Variants in WDR43 observed in about 807,000 individuals in gnomAD.
The protein encoded by WDR43 is WD repeat domain 43.
WDR43 carries 13 observed loss-of-function variants against 91.4 expected under a neutral mutation model. That is an observed-to-expected ratio of 0.14 (90% CI 0.09 to 0.23). WDR43 has a LOEUF of 0.23. Ranked by LOEUF, WDR43 falls within the 10% of genes least tolerant of loss-of-function variation. WDR43 has a pLI of 1.00. For synonymous variants in WDR43, 331 were observed against 287.9 expected (o/e 1.15, Z -1.51); for missense variants, 780 against 809.4 (o/e 0.96, Z 0.44).
intron 5 of WDR43, among the ~76,000 whole-genome samples, chr2:28,915,302 G>A (rs1377765035): frequency 6.6e-6 from 1 of 152,128 alleles, no homozygotes; most frequent in African/African-American, 2.4e-5. Flanking sequence ...TGATTTTTGA[G>A]AAGAGCCAAT....
intron 6 of WDR43, among the ~76,000 whole-genome samples, chr2:28,921,017 G>T (rs1229353905): frequency 6.6e-6 from 1 of 151,618 alleles, no homozygotes; most frequent in African/African-American, 2.4e-5. Context: ...ACTGAATTCT[G>T]TTGCTACTTT....
chr2:28,902,555 A>G (rs996050891), intron 2 of WDR43, among the ~76,000 whole-genome samples: 1 of 152,226 alleles, frequency 6.6e-6, no homozygotes, highest in South Asian at 2.1e-4. Flanking sequence ...CAAACTGAGA[A>G]GGAGGCTCCA....
intron 3 of WDR43, among the ~76,000 whole-genome samples, chr2:28,910,678 A>AATATATAT (rs71403628): frequency 0.019 from 2,680 of 142,592 alleles, 44 homozygotes; most frequent in African/African-American, 0.037. Context: ...TGTGTGTGTA[A>AATATATAT]ATATATATAT....
rs764602166 is a variant in WDR43, at chr2:28,925,031, C to A, written c.964C>A (p.Pro322Thr). 6.2e-7 allele frequency: 1 copy of A among 1,613,736 alleles called. No individual in the cohort carries two copies. The highest frequency in any genetic ancestry group is 8.5e-7 in the Non-Finnish European group (1 of 1,179,830). Residue 322 changes from proline (P) to threonine (T), a missense_variant, in exon 8 of 18, where the codon CCT becomes ACT. Coordinates refer to ENST00000407426, the MANE Select transcript of WDR43 (RefSeq NM_015131.3). ...AAACTGCACAATTCAGATAGCAACA[C>A]CTGGGAAAGGCAAGAAGTCAACACC... ...TSNCTIQIAT[P>T]GKGKKSTPKP...
intron 5 of WDR43, 85 bp downstream of exon 5, chr2:28,914,293 C>T: frequency 7.1e-7 from 1 of 1,412,288 alleles, no homozygotes. Flanking sequence ...GAATATGGGA[C>T]TTTATTTGTT....
chr2:28,907,510 G>C (rs7593028), intron 3 of WDR43, among the ~76,000 whole-genome samples: 100,524 of 149,238 alleles, frequency 0.67, 34,508 homozygotes, highest in East Asian at 0.85. Flanking sequence ...CCAGATACGA[G>C]TCTGAAGTGG....
chr2:28,916,057 A>T (rs1203391333), intron 5 of WDR43, among the ~76,000 whole-genome samples: 1 of 152,248 alleles, frequency 6.6e-6, no homozygotes, highest in Non-Finnish European at 1.5e-5. Flanking sequence ...TGAACTGCAC[A>T]TACCAGAGTG....
chr2:28,894,887 C>A lies in WDR43; in HGVS notation c.189C>A (p.Thr63=). 1 of 1,604,746 alleles carries A rather than the reference C, an allele frequency of 6.2e-7. No homozygotes were observed. Among genetic ancestry groups the A allele is most frequent in the South Asian group, 1.1e-5 (1 of 89,610 alleles). Reference sequence around the variant, plus strand: ...CCGCGCACCTCAGTGGTACCTGCACCTGTCTGGCCTGGGCGCCAGCGCGGC... The same window carrying A: ...CCGCGCACCTCAGTGGTACCTGCACATGTCTGGCCTGGGCGCCAGCGCGGC... ...VPSAHLSGTC[T]CLAWAPARLQ... Residue 63 remains threonine, a synonymous_variant, in exon 1 of 18, where the codon ACC becomes ACA. Transcript: ENST00000407426.
chr2:28,901,868 TTC>T, intron 1 of WDR43, 117 bp from the exon 2 acceptor site: 1 of 1,013,084 alleles, frequency 9.9e-7, no homozygotes, highest in Non-Finnish European at 1.4e-6. Flanking sequence ...ACCCAATAGC[TTC>T]TCTCTTCCCC....
rs1313124686 is a variant in WDR43 at position 28,907,579 on chromosome 2, C to T, written c.485+998C>T. On this transcript the variant is annotated intron_variant, in intron 3 of 17. Transcript: ENST00000407426. ...AGTGAGCCATGATTGTGCCACTGCA[C>T]TTCAGCCTGGGTGATGGAGCAAGAC... Among the ~76,000 whole-genome samples the T allele has an allele frequency of 2.6e-5, 4 of 151,170 alleles. No homozygotes were observed. The East Asian group carries it at 7.8e-4, about 29-fold the overall frequency.
chr2:28,941,820 C>G (rs568903549), intron 15 of WDR43, among the ~76,000 whole-genome samples: 4 of 152,160 alleles, frequency 2.6e-5, no homozygotes, highest in South Asian at 4.1e-4. Flanking sequence ...GTTTTGAACT[C>G]CTAGGCTCAA....
At chr2:28,944,431 TAAG>T (rs573482955) in intron 16 of WDR43, among the ~76,000 whole-genome samples, 73 of 152,358 alleles carry the variant, frequency 4.8e-4, no homozygotes, top group Admixed American at 2.6e-3. Flanking sequence ...CTCAGTTTTT[TAAG>T]AATGTGAAAG....
At chr2:28,906,669 G>A in intron 3 of WDR43, 88 bp downstream of exon 3, 2 of 1,411,090 alleles carry the variant, frequency 1.4e-6, no homozygotes, top group Non-Finnish European at 1.9e-6. Context: ...AAGGTTATAG[G>A]TTCCATTTAC....
At position 28,894,881 on chromosome 2, in the gene WDR43, C is replaced by A. The variant is rs773437927; in HGVS notation, c.183C>A (p.Thr61=). 3 of 1,606,548 alleles carry A rather than the reference C, an allele frequency of 1.9e-6. No homozygotes were observed. The Admixed American group carries it at 5.1e-5, about 27-fold the overall frequency. ...EYVPSAHLSG[T]CTCLAWAPAR... ...TGCCTTCCGCGCACCTCAGTGGTACCTGCACCTGTCTGGCCTGGGCGCCAG... is the reference window on the plus strand; with the variant it reads ...TGCCTTCCGCGCACCTCAGTGGTACATGCACCTGTCTGGCCTGGGCGCCAG... The change falls in exon 1 of 18, where the codon ACC becomes ACA. Residue 61 remains threonine, a synonymous_variant. Transcript: ENST00000407426.
intron 16 of WDR43, among the ~76,000 whole-genome samples, chr2:28,942,977 ATAGT>A (rs1235628111): frequency 2.0e-5 from 3 of 152,136 alleles, no homozygotes; most frequent in Non-Finnish European, 4.4e-5. Context: ...TCTAGGTGGT[ATAGT>A]TAATTTTTAA....
intron 3 of WDR43, among the ~76,000 whole-genome samples, chr2:28,911,510 G>A (rs900870225): frequency 4.6e-5 from 7 of 152,022 alleles, no homozygotes; most frequent in African/African-American, 1.7e-4. Context: ...TAGCCAGGAT[G>A]GTCTCGATCT....
At chr2:28,928,501 T>C (rs1430046981) in intron 10 of WDR43, among the ~76,000 whole-genome samples, 2 of 152,226 alleles carry the variant, frequency 1.3e-5, no homozygotes, top group Non-Finnish European at 2.9e-5. Context: ...GTTTCAACTT[T>C]TTAATTTCCC....
Position 28,894,770 on chromosome 2 carries a change from C to T in WDR43, c.72C>T (p.His24=). 6.2e-7 allele frequency: 1 copy of T among 1,605,634 alleles called. No homozygotes were observed. The highest frequency in any genetic ancestry group is 8.5e-7 in the Non-Finnish European group (1 of 1,176,386). The part of the protein sequence containing the change: ...PAGVPCAFSP[H]SQAYFALAST... ...GGGTCCCTTGCGCCTTCTCCCCGCA[C>T]AGCCAGGCCTACTTCGCTTTGGCCT... The change falls in exon 1 of 18, where the codon CAC becomes CAT. Residue 24 remains histidine (H), a synonymous_variant. Transcript: ENST00000407426.
chr2:28,895,167 CA>C, intron 1 of WDR43: 1 of 353,908 alleles, frequency 2.8e-6, no homozygotes, highest in East Asian at 4.5e-5. Flanking sequence ...CCGGCTGGCC[CA>C]ATGAGGCCTG....
Sources: allele counts gnomAD v4.1 joint callset (sites outside exome capture counted in the v4.1 genomes callset), GRCh38; gene constraint gnomAD v4.1.1; transcripts MANE v1.5; gene names NCBI Gene and HGNC (gene_info 2026-07-23, HGNC 2026-07-21).